AKAP12: variants seen among roughly 807,000 people sequenced by gnomAD.
AKAP12 encodes A-kinase anchoring protein 12, also known as A-kinase anchor protein 12.
Under a neutral mutation model 79.9 loss-of-function variants are expected in AKAP12, and 32 were observed. The observed-to-expected ratio is 0.40, with a 90% CI of 0.30 to 0.54. The LOEUF (loss-of-function observed/expected upper bound fraction) is 0.54, where lower values mean the gene tolerates loss of function less well. Ranked by LOEUF, AKAP12 falls within the 20% of genes least tolerant of loss-of-function variation. AKAP12 has a pLI of 0.48. For synonymous variants in AKAP12, 808 were observed against 857.0 expected, an observed-to-expected ratio of 0.94 and a Z score of 1.00; for missense variants, 2,074 against 2,177.0, an observed-to-expected ratio of 0.95 and a Z score of 0.94.
chr6:151,355,099 G>T (rs936722517), intron 4 of AKAP12, among the ~76,000 whole-genome samples: 5 of 151,614 alleles, frequency 3.3e-5, no homozygotes, highest in African/African-American at 1.2e-4. Context: ...AGGTTCAAGC[G>T]ATCCTCCTGC....
At chr6:151,271,360 C>T (rs372779023) in intron 2 of AKAP12, among the ~76,000 whole-genome samples, 52 of 146,348 alleles carry the variant, frequency 3.6e-4, no homozygotes, top group African/African-American at 1.2e-3. Flanking sequence ...CTCATTCTGT[C>T]GCCCAGGCTA....
At chr6:151,281,181 A>G (rs1453306163) in intron 2 of AKAP12, among the ~76,000 whole-genome samples, 3 of 152,188 alleles carry the variant, frequency 2.0e-5, no homozygotes, top group Admixed American at 6.5e-5. Context: ...AGCCACTTAC[A>G]TTAGATAAGT....
intron 2 of AKAP12, among the ~76,000 whole-genome samples, chr6:151,282,478 C>G (rs1776429312): frequency 6.6e-6 from 1 of 152,158 alleles, no homozygotes; most frequent in African/African-American, 2.4e-5. Flanking sequence ...CCAACCTTCA[C>G]CAAAACAAAT....
At chr6:151,272,531 A>G (rs1776208159) in intron 2 of AKAP12, among the ~76,000 whole-genome samples, 1 of 151,480 alleles carries the variant, frequency 6.6e-6, no homozygotes, top group Admixed American at 6.6e-5. Flanking sequence ...AGATAGATAG[A>G]TAGATAGAGA....
intron 3 of AKAP12, among the ~76,000 whole-genome samples, chr6:151,328,290 T>G (rs1218464741): frequency 7.1e-6 from 1 of 139,930 alleles, no homozygotes; most frequent in Non-Finnish European, 1.5e-5. Context: ...ATCGCGCCTC[T>G]GCACTCCAGC....
chr6:151,296,011 T>C (rs1342102671), intron 2 of AKAP12, among the ~76,000 whole-genome samples: 3 of 152,218 alleles, frequency 2.0e-5, no homozygotes, highest in African/African-American at 7.2e-5. Context: ...TTTTGTTTGC[T>C]GAATATATGG....
At chr6:151,265,685 T>C (rs1797538737) in intron 2 of AKAP12, among the ~76,000 whole-genome samples, 1 of 152,220 alleles carries the variant, frequency 6.6e-6, no homozygotes, top group African/African-American at 2.4e-5. Context: ...ATAATGCTTG[T>C]TAAAAATCTA....
intron 2 of AKAP12, among the ~76,000 whole-genome samples, chr6:151,296,620 T>C (rs1776730773): frequency 6.6e-6 from 1 of 151,990 alleles, no homozygotes; most frequent in South Asian, 2.1e-4. Flanking sequence ...TTACTAAAAA[T>C]ACAAAAATTA....
intron 3 of AKAP12, chr6:151,325,918 C>G: frequency 1.2e-6 from 2 of 1,614,168 alleles, no homozygotes; most frequent in Non-Finnish European, 1.7e-6. Context: ...TTTGTCCTCC[C>G]TGGACGGCAG....
At chr6:151,345,942 A>G (rs867697727) in intron 3 of AKAP12, among the ~76,000 whole-genome samples, 2 of 147,234 alleles carry the variant, frequency 1.4e-5, no homozygotes, top group South Asian at 2.2e-4. Context: ...TGAGAGAGAG[A>G]GAGAGAGAGA....
At chr6:151,327,935 T>C (rs1777568885) in intron 3 of AKAP12, among the ~76,000 whole-genome samples, 1 of 152,204 alleles carries the variant, frequency 6.6e-6, no homozygotes, top group Non-Finnish European at 1.5e-5. Context: ...TCAGCTGTCA[T>C]TTGGTTTTTG....
At chr6:151,312,880 G>C (rs906052849) in intron 3 of AKAP12, among the ~76,000 whole-genome samples, 7 of 151,940 alleles carry the variant, frequency 4.6e-5, no homozygotes, top group Non-Finnish European at 8.8e-5. Flanking sequence ...GATGGGGTGA[G>C]GGGGGCTGTT....
rs981118215 is a variant in AKAP12, at chr6:151,240,443, C to T, written c.-120C>T. 135 of 1,122,932 alleles carry T rather than the reference C, an allele frequency of 1.2e-4. No individual in the cohort carries two copies. The highest frequency in any genetic ancestry group is 1.4e-4 in the Non-Finnish European group (125 of 876,872). The allele number at this position is 1,122,932 out of a possible 1,614,324, so 69.6% of individuals were successfully genotyped here. A position where few individuals can be genotyped will look rare whatever the true frequency, so the allele number is the denominator to read the frequency against. Reference sequence around the variant, plus strand: ...GCTGGGCGCGTTCGCAGTCGGCTGGCGGCGAAGGAAGGCGCTCTCGGGACC... The same window carrying T: ...GCTGGGCGCGTTCGCAGTCGGCTGGTGGCGAAGGAAGGCGCTCTCGGGACC... On this transcript the variant is annotated 5_prime_UTR_variant, in exon 2 of 5. Transcript: ENST00000402676.
chr6:151,259,511 T>TATACACAC (rs1554320026), intron 2 of AKAP12, among the ~76,000 whole-genome samples: 1 of 101,104 alleles, frequency 9.9e-6, no homozygotes, highest in African/African-American at 3.8e-5. Context: ...TATATATATA[T>TATACACAC]ACACACACAC....
At chr6:151,245,765 TA>T (rs1224538971) in intron 2 of AKAP12, among the ~76,000 whole-genome samples, 2 of 152,082 alleles carry the variant, frequency 1.3e-5, no homozygotes, top group African/African-American at 4.8e-5. Context: ...TTAAAAAAAT[TA>T]ATGATTGAGA....
At chr6:151,277,609 T>C (rs1364753802) in intron 2 of AKAP12, among the ~76,000 whole-genome samples, 3 of 152,220 alleles carry the variant, frequency 2.0e-5, no homozygotes, top group African/African-American at 7.2e-5. Context: ...GCTTACAAAA[T>C]GATCAGGTTT....
chr6:151,302,966 C>T (rs1259473434), intron 2 of AKAP12, among the ~76,000 whole-genome samples: 3 of 152,108 alleles, frequency 2.0e-5, no homozygotes, highest in African/African-American at 4.8e-5. Flanking sequence ...GAGGCTGAGG[C>T]GGGCGGATCA....
At chr6:151,291,077 C>T (rs1465304244) in intron 2 of AKAP12, among the ~76,000 whole-genome samples, 1 of 152,186 alleles carries the variant, frequency 6.6e-6, no homozygotes, top group Non-Finnish European at 1.5e-5. Context: ...GAGCTGGTCT[C>T]CAGTTGCTGC....
At chr6:151,328,567 G>A (rs550540965) in intron 3 of AKAP12, among the ~76,000 whole-genome samples, 2 of 151,034 alleles carry the variant, frequency 1.3e-5, no homozygotes, top group Non-Finnish European at 2.9e-5. Flanking sequence ...AACCTGGGAG[G>A]CAGAGGTTGC....
Sources: gnomAD v4.1 joint callset for allele counts (sites outside exome capture counted in the v4.1 genomes callset) on GRCh38, gnomAD v4.1.1 for gene constraint, MANE v1.5 for transcripts, NCBI Gene and HGNC (gene_info 2026-07-23, HGNC 2026-07-21) for gene names.